The following TBC1D1 variants were observed in gnomAD, a reference collection of about 807,000 sequenced individuals.
The protein encoded by TBC1D1 is TBC1 domain family member 1.
Under a neutral mutation model 125.6 loss-of-function variants are expected in TBC1D1, and 89 were observed. That is an observed-to-expected ratio of 0.71 (90% CI 0.60 to 0.85). TBC1D1 has a LOEUF of 0.85. TBC1D1 is among the 40% of genes least tolerant of loss of function. The pLI is 0.00. For synonymous variants in TBC1D1, 565 were observed against 564.1 expected, an observed-to-expected ratio of 1.00 and a Z score of -0.02; for missense variants, 1,377 against 1,469.2, an observed-to-expected ratio of 0.94 and a Z score of 1.03.
chr4:37,994,890 G>T (rs962389332), intron 2 of TBC1D1, among the ~76,000 whole-genome samples: 1 of 152,090 alleles, frequency 6.6e-6, no homozygotes, highest in Admixed American at 6.5e-5. Context: ...TTTTTCACAT[G>T]AACTTTTGGC....
intron 2 of TBC1D1, among the ~76,000 whole-genome samples, chr4:38,001,356 C>T (rs766856660): frequency 1.3e-5 from 2 of 152,152 alleles, no homozygotes; most frequent in Non-Finnish European, 2.9e-5. Flanking sequence ...AGCAACACCT[C>T]GATAAGTTCA....
chr4:38,110,883 T>G, intron 15 of TBC1D1: 10 of 918,624 alleles, frequency 1.1e-5, no homozygotes, highest in Non-Finnish European at 1.3e-5. Context: ...ATGCTTCTCC[T>G]ATGGGGTGTG....
intron 2 of TBC1D1, among the ~76,000 whole-genome samples, chr4:37,998,472 C>T (rs962989348): frequency 2.0e-5 from 3 of 152,180 alleles, no homozygotes; most frequent in Non-Finnish European, 2.9e-5. Context: ...GCAGCTGGGT[C>T]GGGCTGTCCT....
Position 37,995,613 on chromosome 4 carries a change from C to A in TBC1D1, c.418-18896C>A. 1 of 489,248 alleles carries A rather than the reference C, an allele frequency of 2.0e-6. No homozygotes were observed. The highest frequency in any genetic ancestry group is 1.5e-5 in the South Asian group (1 of 65,256). 30.3% of individuals were successfully genotyped at this position (489,248 alleles called of 1,614,324 possible). ...GGTCCAGTACCCTGGCCTTGACCTCCCCATAGGCTGTCTTATCTCACTTTT... is the reference window on the plus strand; with the variant it reads ...GGTCCAGTACCCTGGCCTTGACCTCACCATAGGCTGTCTTATCTCACTTTT... On this transcript the variant is annotated intron_variant, in intron 2 of 19. Transcript: ENST00000261439. The surrounding 1 kb of genome is among the most constrained non-coding windows in gnomAD (Gnocchi z 4.3).
intron 2 of TBC1D1, among the ~76,000 whole-genome samples, chr4:37,914,090 C>G (rs545797837): frequency 6.6e-6 from 1 of 152,254 alleles, no homozygotes; most frequent in South Asian, 2.1e-4. Flanking sequence ...ATTTTTATGT[C>G]CCCTGAGAAC....
chr4:37,920,382 T>G (rs557018151), intron 2 of TBC1D1, among the ~76,000 whole-genome samples: 2 of 152,172 alleles, frequency 1.3e-5, no homozygotes, highest in Non-Finnish European at 2.9e-5. Context: ...GAGCCAAATC[T>G]TTAAGGAGGA....
intron 2 of TBC1D1, among the ~76,000 whole-genome samples, chr4:37,934,774 T>C (rs1724037167): frequency 6.6e-6 from 1 of 152,214 alleles, no homozygotes; most frequent in Non-Finnish European, 1.5e-5. Flanking sequence ...CCCACTTTTC[T>C]TCCCACCTGT....
Position 38,015,071 on chromosome 4 carries a change from G to C in TBC1D1, c.882+98G>C. On this transcript the variant is annotated intron_variant, in intron 3 of 19. Coordinates refer to ENST00000261439, the MANE Select transcript of TBC1D1 (RefSeq NM_015173.4). ...CGAAGATTCTTAGTCAATTGCTTTT[G>C]ATTTATGTGTGAATCCATATATTTT... 3 of 997,432 alleles carry C rather than the reference G, an allele frequency of 3.0e-6. No homozygotes were observed. The South Asian group carries it at 5.5e-5, about 18-fold the overall frequency. 61.8% of individuals were successfully genotyped at this position (997,432 alleles called of 1,614,324 possible).
chr4:37,987,610 C>T (rs1253597829), intron 2 of TBC1D1, among the ~76,000 whole-genome samples: 1 of 152,048 alleles, frequency 6.6e-6, no homozygotes, highest in Non-Finnish European at 1.5e-5. Context: ...AGAAGTGTAA[C>T]ATTTTTTTAA....
In TBC1D1 at chr4:38,078,488, G is replaced by A. The variant is rs577681348; in HGVS notation, c.2051-11444G>A. On this transcript the variant is annotated intron_variant, in intron 12 of 19. Coordinates refer to ENST00000261439, the MANE Select transcript of TBC1D1 (RefSeq NM_015173.4). ...AAAATTCCTATGTTGAAGCCCTAAT[G>A]CACAGTGTTATGGTGTTTGAAGGGA... Among the ~76,000 whole-genome samples the A allele has an allele frequency of 2.6e-5, 4 of 152,260 alleles. No homozygotes were observed. The East Asian group carries it at 7.7e-4, about 29-fold the overall frequency.
At chr4:38,060,281 G>C (rs746193842) in intron 12 of TBC1D1, among the ~76,000 whole-genome samples, 17 of 152,294 alleles carry the variant, frequency 1.1e-4, no homozygotes, top group Non-Finnish European at 2.1e-4. Context: ...TCTAGTTCTA[G>C]ATCTTTGAGG....
At position 38,053,726 on chromosome 4, in the gene TBC1D1, A is replaced by G. The variant is rs113156327; in HGVS notation, c.1911-473A>G. Among the ~76,000 whole-genome samples, 552 of 152,384 alleles carry G rather than the reference A, an allele frequency of 3.6e-3. 4 individuals are homozygous for G. The highest frequency in any genetic ancestry group is 0.013 in the African/African-American group (526 of 41,592). ...ACAATTATCATCATCAAGTGACTGC[A>G]TAGTTATTGCCTTGCTGGTTCTGTG... On this transcript the variant is annotated intron_variant, in intron 11 of 19. Coordinates refer to ENST00000261439, the MANE Select transcript of TBC1D1 (RefSeq NM_015173.4).
At chr4:38,106,781 C>T (rs1761371547) in intron 15 of TBC1D1, among the ~76,000 whole-genome samples, 1 of 152,132 alleles carries the variant, frequency 6.6e-6, no homozygotes. Context: ...AAGAAGAGAC[C>T]AGATCAGAAC....
intron 17 of TBC1D1, among the ~76,000 whole-genome samples, chr4:38,121,069 A>G (rs948279358): frequency 1.3e-5 from 2 of 152,220 alleles, no homozygotes; most frequent in Non-Finnish European, 2.9e-5. Flanking sequence ...GTGGCCAGGA[A>G]AATCTCCAGC....
chr4:37,982,715 A>G (rs1352736896), intron 2 of TBC1D1, among the ~76,000 whole-genome samples: 1 of 152,252 alleles, frequency 6.6e-6, no homozygotes, highest in Non-Finnish European at 1.5e-5. Context: ...CTGATGAGAA[A>G]AAAAGATAAA....
chr4:38,080,087 C>T (rs1756292768), intron 12 of TBC1D1, among the ~76,000 whole-genome samples: 1 of 152,218 alleles, frequency 6.6e-6, no homozygotes. Flanking sequence ...GAGGCTGAAG[C>T]TCGTGTGGGG....
intron 3 of TBC1D1, among the ~76,000 whole-genome samples, chr4:38,017,318 G>C (rs1742965477): frequency 6.6e-6 from 1 of 152,198 alleles, no homozygotes; most frequent in East Asian, 1.9e-4. Flanking sequence ...CTACTCTAGA[G>C]AGAGACACAG....
At chr4:38,002,709 G>A (rs1739312896) in intron 2 of TBC1D1, among the ~76,000 whole-genome samples, 2 of 152,164 alleles carry the variant, frequency 1.3e-5, no homozygotes, top group Non-Finnish European at 2.9e-5. Flanking sequence ...GGTGTTTTGT[G>A]CTCTGAGGCT....
At chr4:38,118,002 A>G in intron 16 of TBC1D1, 31 bp from the exon 19 acceptor site, 1 of 1,610,624 alleles carries the variant, frequency 6.2e-7, no homozygotes. Flanking sequence ...CAGATCCCTA[A>G]TTCTCAGCCC....
Sources: gnomAD v4.1 joint callset for allele counts (sites outside exome capture counted in the v4.1 genomes callset) on GRCh38, gnomAD v4.1.1 for gene constraint, Gnocchi (gnomAD v3.1) non-coding constraint, MANE v1.5 for transcripts, NCBI Gene and HGNC (gene_info 2026-07-23, HGNC 2026-07-21) for gene names.